The following NR1H4 variants were observed in gnomAD, a reference collection of about 807,000 sequenced individuals.
NR1H4 encodes the protein bile acid receptor.
A neutral mutation model predicts 58.5 loss-of-function variants in NR1H4; 23 were observed. That is an observed-to-expected ratio of 0.39 (90% CI 0.28 to 0.56). The LOEUF (loss-of-function observed/expected upper bound fraction) is 0.56. Ranked by LOEUF, NR1H4 falls within the 20% of genes least tolerant of loss-of-function variation. The pLI, the probability that NR1H4 is intolerant of heterozygous loss-of-function variation, is 0.58. For synonymous variants in NR1H4, 214 were observed against 198.0 expected (o/e 1.08, Z -0.68); for missense variants, 487 against 576.9 (o/e 0.84, Z 1.60).
At chr12:100,487,540 A>G (rs1953517143) in intron 1 of NR1H4, among the ~76,000 whole-genome samples, 2 of 149,892 alleles carry the variant, frequency 1.3e-5, no homozygotes, top group Non-Finnish European at 3.0e-5. Context: ...GGAAGTGATC[A>G]TGTTCAAATC....
chr12:100,488,139 T>G (rs1403175325), intron 1 of NR1H4, among the ~76,000 whole-genome samples: 1 of 152,108 alleles, frequency 6.6e-6, no homozygotes, highest in Admixed American at 6.6e-5. Flanking sequence ...TAGCTGGGAT[T>G]ACAAGCCTGT....
intron 3 of NR1H4, among the ~76,000 whole-genome samples, chr12:100,494,500 A>T (rs2136106663): frequency 6.6e-6 from 1 of 152,364 alleles, no homozygotes; most frequent in Non-Finnish European, 1.5e-5. Flanking sequence ...AAAGAGGTTT[A>T]TGGAAAAAAC....
intron 9 of NR1H4, among the ~76,000 whole-genome samples, chr12:100,541,336 T>C (rs190819453): frequency 1.3e-5 from 2 of 151,826 alleles, no homozygotes; most frequent in Admixed American, 1.3e-4. Flanking sequence ...GGCTGGAGTG[T>C]AGTGGTGTGA....
At chr12:100,558,280 C>T (rs753210343) in intron 9 of NR1H4, among the ~76,000 whole-genome samples, 4 of 139,024 alleles carry the variant, frequency 2.9e-5, no homozygotes, top group Non-Finnish European at 3.0e-5. Flanking sequence ...GGCCAAGGGA[C>T]GGAGGTTGCA....
chr12:100,508,941 A>G (rs1954037975), intron 3 of NR1H4, among the ~76,000 whole-genome samples: 1 of 152,162 alleles, frequency 6.6e-6, no homozygotes, highest in African/African-American at 2.4e-5. Context: ...CCTGTGGAAA[A>G]TATTGCTGTA....
rs1055042770 is a variant in NR1H4, at chr12:100,510,922, A to G, written c.224A>G (p.Gln75Arg). ...SYYSNLGFYP[Q>R]QPEEWYSPGI... is the part of the protein sequence containing the mutation. ...TATTCCAACCTGGGTTTCTACCCCC[A>G]GCAGCCTGAAGAGTGGTACTCTCCT... The change falls in exon 4 of 11, where the codon CAG becomes CGG. Residue 75 changes from glutamine to arginine, a missense_variant. By Grantham distance (43) the Gln-to-Arg change is conservative (BLOSUM62 1). Coordinates refer to ENST00000392986, the MANE Select transcript of NR1H4 (RefSeq NM_001206979.2). The G allele has an allele frequency of 1.9e-6, 3 of 1,614,108 alleles. No homozygotes were observed. The highest frequency in any genetic ancestry group is 1.3e-5 in the African/African-American group (1 of 74,946).
intron 1 of NR1H4, among the ~76,000 whole-genome samples, chr12:100,485,446 T>C (rs1953470766): frequency 1.3e-5 from 2 of 152,244 alleles, no homozygotes; most frequent in Admixed American, 1.3e-4. Context: ...ACTGTATGTA[T>C]TATTCTGCAA....
chr12:100,517,060 T>C (rs1428506084), intron 4 of NR1H4, among the ~76,000 whole-genome samples: 1 of 152,182 alleles, frequency 6.6e-6, no homozygotes, highest in East Asian at 1.9e-4. Flanking sequence ...TCTCTTCTAG[T>C]TATTTTGAAA....
intron 10 of NR1H4, among the ~76,000 whole-genome samples, chr12:100,562,301 G>A (rs899855951): frequency 6.6e-6 from 1 of 152,164 alleles, no homozygotes; most frequent in African/African-American, 2.4e-5. Context: ...CTGGTAGGAT[G>A]AGAAAGATAA....
At chr12:100,523,201 T>C (rs1954470878) in intron 4 of NR1H4, among the ~76,000 whole-genome samples, 1 of 152,152 alleles carries the variant, frequency 6.6e-6, no homozygotes, top group Non-Finnish European at 1.5e-5. Context: ...TTTCACTACA[T>C]CCACACCAAA....
At chr12:100,485,322 G>A (rs1451788847) in intron 1 of NR1H4, among the ~76,000 whole-genome samples, 2 of 152,144 alleles carry the variant, frequency 1.3e-5, no homozygotes, top group Non-Finnish European at 2.9e-5. Context: ...GTAAACAAAA[G>A]GGCAAATCTG....
At chr12:100,517,819 A>G (rs1334055475) in intron 4 of NR1H4, among the ~76,000 whole-genome samples, 9 of 152,210 alleles carry the variant, frequency 5.9e-5, no homozygotes, top group Non-Finnish European at 1.3e-4. Context: ...AAGCTGAAGC[A>G]TAAGTTGTTA....
At chr12:100,488,018 T>C (rs1039299688) in intron 1 of NR1H4, among the ~76,000 whole-genome samples, 2 of 152,092 alleles carry the variant, frequency 1.3e-5, no homozygotes, top group Non-Finnish European at 2.9e-5. Context: ...TTCTTTTCTT[T>C]TTGAGATGGA....
chr12:100,477,071 T>C (rs2136059281), intron 1 of NR1H4, among the ~76,000 whole-genome samples: 1 of 152,268 alleles, frequency 6.6e-6, no homozygotes, highest in South Asian at 2.1e-4. Context: ...TTCTGTCTTT[T>C]CTCTCCCTTC....
intron 9 of NR1H4, among the ~76,000 whole-genome samples, chr12:100,549,831 T>C (rs933429013): frequency 7.9e-5 from 12 of 152,212 alleles, no homozygotes; most frequent in Non-Finnish European, 1.8e-4. Context: ...ATGAATTTCC[T>C]TCTCCCAGTG....
chr12:100,517,077 G>A (rs1954287154), intron 4 of NR1H4, among the ~76,000 whole-genome samples: 1 of 152,110 alleles, frequency 6.6e-6, no homozygotes, highest in Non-Finnish European at 1.5e-5. Flanking sequence ...GAAATACACA[G>A]TACATTATTA....
intron 1 of NR1H4, among the ~76,000 whole-genome samples, chr12:100,478,920 T>G (rs1335971312): frequency 1.3e-5 from 2 of 152,250 alleles, no homozygotes; most frequent in African/African-American, 4.8e-5. Flanking sequence ...TTAAAATTTT[T>G]TGATAATCTC....
chr12:100,494,886 G>T (rs11110395), intron 3 of NR1H4, among the ~76,000 whole-genome samples: 4,307 of 152,156 alleles, frequency 0.028, 97 homozygotes, highest in Admixed American at 0.042. Context: ...ATGATTGTAG[G>T]TTGAGATCTC....
rs188979533 is a variant in NR1H4 at position 100,539,713 on chromosome 12, G to A, written c.932-959G>A. The stretch of plus-strand genomic sequence containing the variant: ...GGATACAAAAGTAAAGAAAAACAAG[G>A]CCTCTGCCCCCAAGAAATGTACACT... On this transcript the variant is annotated intron_variant, in intron 8 of 10. Transcript: ENST00000392986. Among the ~76,000 whole-genome samples the A allele has an allele frequency of 7.0e-4, 107 of 152,248 alleles. 1 individual carries two copies. The highest frequency in any genetic ancestry group is 2.6e-3 in the African/African-American group (106 of 41,562).
Sources: allele counts gnomAD v4.1 joint callset (sites outside exome capture counted in the v4.1 genomes callset), GRCh38; gene constraint gnomAD v4.1.1; transcripts MANE v1.5; gene names NCBI Gene and HGNC (gene_info 2026-07-23, HGNC 2026-07-21).